Variants in ANXA10 observed in about 807,000 individuals in gnomAD.
ANXA10 encodes the protein annexin 14.
In ANXA10, 49 loss-of-function variants were observed where a neutral mutation model predicts 53.5. The ratio of observed to expected loss-of-function variants is 0.92; its 90% CI spans 0.73 to 1.16. The LOEUF (loss-of-function observed/expected upper bound fraction) is 1.16, where lower values mean the gene tolerates loss of function less well. ANXA10 is among the 50% of genes most tolerant of loss of function. The pLI, the probability that ANXA10 is intolerant of heterozygous loss-of-function variation, is 0.00. For missense variants in ANXA10, 393 were observed against 394.4 expected, an observed-to-expected ratio of 1.00 and a Z score of 0.03; for synonymous variants, 131 against 128.9, an observed-to-expected ratio of 1.02 and a Z score of -0.11.
chr4:168,138,500 G>T (rs974910541), intron 2 of ANXA10, among the ~76,000 whole-genome samples: 5 of 152,022 alleles, frequency 3.3e-5, no homozygotes, highest in African/African-American at 1.2e-4. Flanking sequence ...CTATAGCCTT[G>T]TAGTATAGTG....
chr4:168,098,226 T>C (rs2149463655), intron 1 of ANXA10, among the ~76,000 whole-genome samples: 1 of 152,188 alleles, frequency 6.6e-6, no homozygotes, highest in Non-Finnish European at 1.5e-5. Context: ...TTATCACAAA[T>C]GGCAAGCACT....
chr4:168,184,413 C>T lies in ANXA10; in HGVS notation c.784-146C>T, dbSNP rs1732323367. 4 of 890,788 alleles carry T rather than the reference C, an allele frequency of 4.5e-6. No homozygotes were observed. In the East Asian group the frequency reaches 1.0e-4, roughly 22 times the overall value. 55.2% of individuals were successfully genotyped at this position (890,788 alleles called of 1,614,324 possible). ...TGACAGAAATGACTCAGGATCTGAA[C>T]CACAGCCTGTGTGGCCAGTGATGCC... On this transcript the variant is annotated intron_variant, in intron 10 of 11. Transcript: ENST00000359299.
intron 2 of ANXA10, among the ~76,000 whole-genome samples, chr4:168,138,717 A>G (rs1731279237): frequency 6.6e-6 from 1 of 152,226 alleles, no homozygotes; most frequent in African/African-American, 2.4e-5. Context: ...TATTCTTCCA[A>G]TTCATGAGCA....
intron 1 of ANXA10, among the ~76,000 whole-genome samples, chr4:168,111,212 T>C (rs185425861): frequency 2.6e-5 from 4 of 152,322 alleles, no homozygotes; most frequent in Admixed American, 1.3e-4. Flanking sequence ...ACATTAAATG[T>C]CAGCATAATC....
At chr4:168,176,066 T>C (rs1428089138) in intron 6 of ANXA10, among the ~76,000 whole-genome samples, 1 of 152,194 alleles carries the variant, frequency 6.6e-6, no homozygotes, top group African/African-American at 2.4e-5. Flanking sequence ...CCTCCTCCTT[T>C]CTTTCCAAGA....
chr4:168,138,531 A>G (rs930905010), intron 2 of ANXA10, among the ~76,000 whole-genome samples: 1 of 152,046 alleles, frequency 6.6e-6, no homozygotes, highest in African/African-American at 2.4e-5. Context: ...TAATGTGATG[A>G]CTTTGGCTTT....
At chr4:168,155,033 T>C (rs530555711) in intron 3 of ANXA10, among the ~76,000 whole-genome samples, 3 of 152,108 alleles carry the variant, frequency 2.0e-5, no homozygotes, top group African/African-American at 7.2e-5. Flanking sequence ...AGATTTCAAA[T>C]CAACCCAACA....
chr4:168,170,304 C>T (rs1360031618), intron 6 of ANXA10, among the ~76,000 whole-genome samples: 2 of 151,788 alleles, frequency 1.3e-5, no homozygotes, highest in African/African-American at 4.8e-5. Flanking sequence ...TTAAAATTTT[C>T]AAAAAATGTA....
At chr4:168,127,051 G>C (rs2149469541) in intron 1 of ANXA10, among the ~76,000 whole-genome samples, 1 of 152,230 alleles carries the variant, frequency 6.6e-6, no homozygotes, top group East Asian at 1.9e-4. Context: ...GGGCCTAGAA[G>C]ACTCATCTGC....
At position 168,165,296 on chromosome 4, in the gene ANXA10, C is replaced by T. The variant is rs1480416113; in HGVS notation, c.450C>T (p.His150=). 1.9e-6 allele frequency: 3 copies of T among 1,588,348 alleles called. No individual in the cohort carries two copies. In the African/African-American group the frequency reaches 4.1e-5, roughly 21 times the overall value. The change falls in exon 6 of 12, where the codon CAC becomes CAT. Residue 150 remains histidine (H), a synonymous_variant. Transcript: ENST00000359299. ...ACATTTATTCAGAGACCTCAGGACA[C>T]TTCAGAGATACTCTCATGAACTTGG... ...QEDIYSETSG[H]FRDTLMNLVQ...
chr4:168,144,341 C>G (rs1731374042), intron 3 of ANXA10, among the ~76,000 whole-genome samples: 1 of 152,122 alleles, frequency 6.6e-6, no homozygotes, highest in Non-Finnish European at 1.5e-5. Flanking sequence ...ACCGTGCAAC[C>G]ACGCCCAGCT....
At chr4:168,165,907 C>T (rs1731869601) in intron 6 of ANXA10, among the ~76,000 whole-genome samples, 1 of 152,062 alleles carries the variant, frequency 6.6e-6, no homozygotes, top group African/African-American at 2.4e-5. Context: ...AAACTCCTGA[C>T]TTCAGGTGAT....
At chr4:168,113,061 C>T (rs1048976160) in intron 1 of ANXA10, among the ~76,000 whole-genome samples, 2 of 152,078 alleles carry the variant, frequency 1.3e-5, no homozygotes, top group African/African-American at 4.8e-5. Context: ...AAATCAGTCT[C>T]TCTGAATCTG....
chr4:168,145,464 A>G (rs556754912), intron 3 of ANXA10, among the ~76,000 whole-genome samples: 2 of 152,302 alleles, frequency 1.3e-5, no homozygotes, highest in East Asian at 3.9e-4. Context: ...TTCCTCCCAA[A>G]GCTAGTTCGG....
intron 1 of ANXA10, among the ~76,000 whole-genome samples, chr4:168,109,976 C>T (rs1280107022): frequency 6.6e-6 from 1 of 152,102 alleles, no homozygotes; most frequent in African/African-American, 2.4e-5. Flanking sequence ...TTCGGGAGGC[C>T]GAGACGGGCA....
intron 1 of ANXA10, among the ~76,000 whole-genome samples, chr4:168,126,062 G>A (rs1490777321): frequency 1.3e-5 from 2 of 151,868 alleles, no homozygotes; most frequent in Non-Finnish European, 2.9e-5. Context: ...ATTTCTCACT[G>A]TCACATTGAA....
intron 3 of ANXA10, among the ~76,000 whole-genome samples, chr4:168,148,424 C>T (rs1383280646): frequency 6.6e-6 from 1 of 152,174 alleles, no homozygotes. Context: ...CTTGGCCTCC[C>T]AAAGTGCTGG....
chr4:168,156,270 T>A (rs1233776228), intron 3 of ANXA10, among the ~76,000 whole-genome samples: 1 of 35,316 alleles, frequency 2.8e-5, no homozygotes, highest in Non-Finnish European at 5.1e-5. Context: ...ATGTATATAT[T>A]ATATATAATA....
chr4:168,185,418 T>C (rs2149482955), intron 11 of ANXA10, among the ~76,000 whole-genome samples: 1 of 152,370 alleles, frequency 6.6e-6, no homozygotes, highest in East Asian at 1.9e-4. Context: ...GTCAGTCAAA[T>C]ATCATAAACT....
Sources: allele counts gnomAD v4.1 joint callset (sites outside exome capture counted in the v4.1 genomes callset), GRCh38; gene constraint gnomAD v4.1.1; transcripts MANE v1.5; gene names NCBI Gene and HGNC (gene_info 2026-07-23, HGNC 2026-07-21).